Variants in TMEM260 observed in about 807,000 individuals in gnomAD.
The protein encoded by TMEM260 is protein O-mannosyl-transferase TMEM260.
TMEM260 carries 82 observed loss-of-function variants against 88.9 expected under a neutral mutation model. The ratio of observed to expected loss-of-function variants is 0.92; its 90% CI spans 0.77 to 1.11. The LOEUF (loss-of-function observed/expected upper bound fraction) is 1.11. Ranked by LOEUF, TMEM260 falls within the 50% of genes least tolerant of loss-of-function variation. The pLI is 0.00. For missense variants in TMEM260, 902 were observed against 853.4 expected (o/e 1.06, Z -0.71); for synonymous variants, 314 against 309.3 (o/e 1.02, Z -0.16).
intron 3 of TMEM260, 104 bp from the exon 4 acceptor site, chr14:56,603,711 T>A: frequency 8.1e-7 from 1 of 1,230,128 alleles, no homozygotes; most frequent in Non-Finnish European, 1.2e-6. Context: ...GTTGGAGTAG[T>A]GCTGGGTGAC....
intron 3 of TMEM260, among the ~76,000 whole-genome samples, chr14:56,598,292 A>G (rs1886368895): frequency 6.6e-6 from 1 of 152,186 alleles, no homozygotes. Context: ...CCAGGGGGAT[A>G]TGCGGTCCCA....
chr14:56,647,607 C>A lies in TMEM260; in HGVS notation c.*110C>A. ...CATAAAAAATTTAAAACTAAGTCAT[C>A]TCCCAGATATAAGTATCATGGTCCA... On this transcript the variant is annotated 3_prime_UTR_variant, in exon 16 of 16. Coordinates refer to ENST00000261556, the MANE Select transcript of TMEM260 (RefSeq NM_017799.4). 1 of 1,218,222 alleles carries A rather than the reference C, an allele frequency of 8.2e-7. No homozygotes were observed. 75.5% of individuals were successfully genotyped at this position (1,218,222 alleles called of 1,614,324 possible).
chr14:56,653,063 G>A (rs1287534291), downstream of TMEM260, among the ~76,000 whole-genome samples: 1 of 152,188 alleles, frequency 6.6e-6, no homozygotes, highest in African/African-American at 2.4e-5. Context: ...GGAGGCCAAG[G>A]CAGGTGGATC....
intron 3 of TMEM260, among the ~76,000 whole-genome samples, chr14:56,602,669 T>C (rs901515446): frequency 5.3e-5 from 8 of 152,062 alleles, no homozygotes; most frequent in African/African-American, 1.7e-4. Flanking sequence ...GAAATAATAA[T>C]GTGTTGAATC....
At chr14:56,585,288 A>G (rs1353794335) in intron 2 of TMEM260, among the ~76,000 whole-genome samples, 1 of 152,168 alleles carries the variant, frequency 6.6e-6, no homozygotes, top group Non-Finnish European at 1.5e-5. Flanking sequence ...GGGGAATAAA[A>G]TAAATCGGGT....
At chr14:56,596,383 T>TGC (rs1594821734) in intron 3 of TMEM260, among the ~76,000 whole-genome samples, 1 of 81,676 alleles carries the variant, frequency 1.2e-5, no homozygotes, top group East Asian at 2.7e-4. Flanking sequence ...TATGTGAGAG[T>TGC]GTGTGTGTGT....
intron 15 of TMEM260, among the ~76,000 whole-genome samples, chr14:56,643,799 A>T (rs148382554): frequency 1.3e-5 from 2 of 152,362 alleles, no homozygotes; most frequent in East Asian, 3.9e-4. Flanking sequence ...GCTGATAAGC[A>T]ACTTCAGCAA....
the TMEM260 span, among the ~76,000 whole-genome samples, chr14:56,657,142 G>T: frequency 6.6e-6 from 1 of 152,262 alleles, no homozygotes; most frequent in Middle Eastern, 3.4e-3. Flanking sequence ...TTCTGCAGGC[G>T]CTTGGAGGAC....
At chr14:56,662,764 C>G in the TMEM260 span, among the ~76,000 whole-genome samples, 2 of 152,368 alleles carry the variant, frequency 1.3e-5, no homozygotes, top group East Asian at 3.9e-4. Flanking sequence ...ATCCAGAACC[C>G]TCAGTGCAAG....
Position 56,615,961 on chromosome 14 carries a change from T to A in TMEM260, c.875T>A (p.Met292Lys). Residue 292 changes from methionine (M) to lysine (K), a missense_variant, in exon 8 of 16, where the codon ATG (methionine) becomes AAG (lysine). Met to Lys is a moderately conservative substitution (Grantham distance 95, BLOSUM62 -1). Coordinates refer to ENST00000261556, the MANE Select transcript of TMEM260 (RefSeq NM_017799.4). Reference sequence around the variant, plus strand: ...TTTTGCAGTTCTCAAGTAACAAATATGAGGACCGAACTCTCATTCAACATC... The same window carrying A: ...TTTTGCAGTTCTCAAGTAACAAATAAGAGGACCGAACTCTCATTCAACATC... ...SEILLSQVTN[M>K]RTELSFNIQA... The A allele has an allele frequency of 6.2e-7, 1 of 1,613,136 alleles. No individual in the cohort carries two copies. Among genetic ancestry groups the A allele is most frequent in the South Asian group, 1.1e-5 (1 of 91,012 alleles).
chr14:56,599,882 T>C (rs186729141), intron 3 of TMEM260, among the ~76,000 whole-genome samples: 1 of 152,342 alleles, frequency 6.6e-6, no homozygotes, highest in African/African-American at 2.4e-5. Flanking sequence ...AATCTATTGT[T>C]TAAACTGTCT....
At chr14:56,649,757 A>T (rs1317529070), downstream of TMEM260, among the ~76,000 whole-genome samples, 1 of 152,156 alleles carries the variant, frequency 6.6e-6, no homozygotes, top group Non-Finnish European at 1.5e-5. Context: ...TACTATAGAG[A>T]TATGTGTATG....
chr14:56,617,009 T>G (rs1381930062), intron 8 of TMEM260, among the ~76,000 whole-genome samples, 174 bp from the exon 9 acceptor site: 6 of 152,158 alleles, frequency 3.9e-5, no homozygotes, highest in Non-Finnish European at 2.9e-5. Context: ...AGTTCAAATT[T>G]ATTATTATAT....
downstream of TMEM260, chr14:56,649,557 G>C (rs747437096): frequency 1.3e-5 from 2 of 152,130 alleles, no homozygotes; most frequent in Non-Finnish European, 2.9e-5. Context: ...GCACATATGC[G>C]TGGTGGTTGT....
chr14:56,643,599 C>T (rs914185132), intron 15 of TMEM260, among the ~76,000 whole-genome samples: 9 of 152,230 alleles, frequency 5.9e-5, no homozygotes, highest in African/African-American at 1.9e-4. Flanking sequence ...AAAACTGGCA[C>T]AAGACAGGGA....
chr14:56,638,487 A>G (rs1244701217), intron 15 of TMEM260, among the ~76,000 whole-genome samples: 4 of 152,132 alleles, frequency 2.6e-5, no homozygotes, highest in African/African-American at 9.7e-5. Flanking sequence ...GACCTCTTCT[A>G]TGGTCAGTTG....
chr14:56,658,683 T>A, the TMEM260 span, among the ~76,000 whole-genome samples: 2 of 152,126 alleles, frequency 1.3e-5, no homozygotes, highest in Non-Finnish European at 2.9e-5. Flanking sequence ...TAAAGAGACA[T>A]GACAGCTATG....
intron 6 of TMEM260, 85 bp downstream of exon 6, chr14:56,609,370 T>A (rs1887110136): frequency 1.6e-6 from 2 of 1,278,434 alleles, no homozygotes; most frequent in East Asian, 4.7e-5. Flanking sequence ...AAAACAATAT[T>A]TGTCAATGAC....
intron 2 of TMEM260, 61 bp from the exon 3 acceptor site, chr14:56,585,700 G>A: frequency 2.0e-6 from 3 of 1,520,398 alleles, no homozygotes; most frequent in Non-Finnish European, 2.7e-6. Flanking sequence ...TTCAATTAAG[G>A]CCTGTGGGAC....
Sources: gnomAD v4.1 joint callset for allele counts (sites outside exome capture counted in the v4.1 genomes callset) on GRCh38, gnomAD v4.1.1 for gene constraint, MANE v1.5 for transcripts, NCBI Gene and HGNC (gene_info 2026-07-23, HGNC 2026-07-21) for gene names.